GRIK3: variants seen among roughly 807,000 people sequenced by gnomAD.
GRIK3 encodes glutamate ionotropic receptor kainate type subunit 3, also known as glutamate receptor ionotropic, kainate 3.
GRIK3 carries 29 observed loss-of-function variants against 102.5 expected under a neutral mutation model. The observed-to-expected ratio is 0.28, with a 90% CI of 0.21 to 0.39. The LOEUF is 0.39. GRIK3 is among the 10% of genes least tolerant of loss of function. The pLI, the probability that GRIK3 is intolerant of heterozygous loss-of-function variation, is 1.00. For missense variants in GRIK3, 908 were observed against 1,252.4 expected, an observed-to-expected ratio of 0.73 and a Z score of 4.15; for synonymous variants, 511 against 504.9, an observed-to-expected ratio of 1.01 and a Z score of -0.16.
At chr1:36,925,103 T>C (rs1215313551) in intron 1 of GRIK3, among the ~76,000 whole-genome samples, 1 of 152,176 alleles carries the variant, frequency 6.6e-6, no homozygotes, top group Non-Finnish European at 1.5e-5. Context: ...GCAGGAAGAT[T>C]CCACAGCTAG....
chr1:36,819,412 G>T lies in GRIK3; in HGVS notation c.1873+324C>A, dbSNP rs1467006174. Among the ~76,000 whole-genome samples the T allele has an allele frequency of 6.6e-6, 1 of 152,210 alleles. No homozygotes were observed. Among genetic ancestry groups the T allele is most frequent in the Non-Finnish European group, 1.5e-5 (1 of 68,032 alleles). ...TGGATTGTGTGGTGATGAGGCCATGGGCAGGGTCAGCCGCAGCCAGCAGGG... is the reference window on the plus strand; with the variant it reads ...TGGATTGTGTGGTGATGAGGCCATGTGCAGGGTCAGCCGCAGCCAGCAGGG... On this transcript the variant is annotated intron_variant, in intron 12 of 15. Coordinates refer to ENST00000373091, the MANE Select transcript of GRIK3 (RefSeq NM_000831.4). This position sits in a 1 kb window ranked among gnomAD's most constrained non-coding sequence, Gnocchi z 4.1.
At chr1:36,995,320 T>G (rs916773953) in intron 1 of GRIK3, among the ~76,000 whole-genome samples, 49 of 152,192 alleles carry the variant, frequency 3.2e-4, no homozygotes, top group African/African-American at 1.2e-3. Context: ...GGAGCAGCCC[T>G]TGGGCACCTT....
intron 1 of GRIK3, among the ~76,000 whole-genome samples, chr1:36,978,529 G>A (rs1182825593): frequency 6.6e-6 from 1 of 152,188 alleles, no homozygotes; most frequent in Middle Eastern, 3.2e-3. Context: ...CTATTGCTCA[G>A]GAGTCTATGG....
chr1:36,945,162 C>T (rs114218458), intron 1 of GRIK3, among the ~76,000 whole-genome samples: 1,673 of 152,382 alleles, frequency 0.011, 30 homozygotes, highest in African/African-American at 0.038. Context: ...CATCAAAGGC[C>T]GGTGTCGAGC....
chr1:36,842,623 C>G lies in GRIK3; in HGVS notation c.1327-684G>C, dbSNP rs531645436. Among the ~76,000 whole-genome samples the G allele has an allele frequency of 1.6e-4, 24 of 152,016 alleles. No individual in the cohort carries two copies. In the South Asian group the frequency reaches 5.0e-3, roughly 31 times the overall value. ...ATTACTGGTAACAGGGACAGCTCAT[C>G]GGTAGGTGGCTGTGCCGGGCACTGG... On this transcript the variant is annotated intron_variant, in intron 9 of 15. Coordinates refer to ENST00000373091, the MANE Select transcript of GRIK3 (RefSeq NM_000831.4).
chr1:36,873,881 A>G (rs758085748), intron 3 of GRIK3, among the ~76,000 whole-genome samples: 2 of 152,294 alleles, frequency 1.3e-5, no homozygotes, highest in East Asian at 3.9e-4. Context: ...AACTTCAAAT[A>G]TGGAGGTTGT....
intron 1 of GRIK3, among the ~76,000 whole-genome samples, chr1:36,995,789 G>A (rs935616563): frequency 5.9e-5 from 9 of 152,136 alleles, no homozygotes; most frequent in African/African-American, 1.4e-4. Context: ...CCCTGCTCCC[G>A]TGTCCTCTGA....
intron 10 of GRIK3, among the ~76,000 whole-genome samples, chr1:36,839,447 G>A (rs1394649968): frequency 6.6e-6 from 1 of 152,084 alleles, no homozygotes; most frequent in African/African-American, 2.4e-5. Context: ...TGTGGAGCAG[G>A]TATTATTATT....
At position 37,006,931 on chromosome 1, in the gene GRIK3, G is replaced by GAACTCAGGTCTGC. The variant is rs1200787802; in HGVS notation, c.115+27050_115+27062dup. Among the ~76,000 whole-genome samples the GAACTCAGGTCTGC allele has an allele frequency of 2.0e-5, 3 of 152,230 alleles. No homozygotes were observed. The East Asian group carries it at 5.8e-4, about 29-fold the overall frequency. On this transcript the variant is annotated intron_variant, in intron 1 of 15. Coordinates refer to ENST00000373091, the MANE Select transcript of GRIK3 (RefSeq NM_000831.4). ...CAAGCTAGTGGTGCAACCAGGACTG[G>GAACTCAGGTCTGC]AACTCAGGTCTGCCTATCACCAGAC...
chr1:36,901,734 G>A (rs1231832181), intron 1 of GRIK3, among the ~76,000 whole-genome samples: 1 of 152,118 alleles, frequency 6.6e-6, no homozygotes, highest in Non-Finnish European at 1.5e-5. Flanking sequence ...AATAAGGCAA[G>A]AAAAGGAAAC....
chr1:36,925,819 G>A (rs1027599), intron 1 of GRIK3, among the ~76,000 whole-genome samples: 129,491 of 152,204 alleles, frequency 0.85, 55,603 homozygotes, highest in Admixed American at 0.91. Context: ...TAGTGGGAGC[G>A]TGGCTAAGGA....
chr1:37,002,036 GCT>G (rs1410390382), intron 1 of GRIK3, among the ~76,000 whole-genome samples: 1 of 152,148 alleles, frequency 6.6e-6, no homozygotes, highest in Non-Finnish European at 1.5e-5. Flanking sequence ...CCAGAAAAAT[GCT>G]CTCAGAGAGC....
intron 1 of GRIK3, among the ~76,000 whole-genome samples, chr1:37,018,237 C>G (rs770797891): frequency 3.1e-4 from 47 of 152,206 alleles, no homozygotes; most frequent in East Asian, 3.8e-4. Context: ...GTGGGCAAAA[C>G]AGGCCTGGTT....
Position 36,891,059 on chromosome 1 carries a change from C to T in GRIK3, c.153G>A (p.Gln51=), listed in dbSNP as rs750233559. The T allele has an allele frequency of 5.0e-6, 8 of 1,613,730 alleles. No individual in the cohort carries two copies. In the South Asian group the frequency reaches 7.7e-5, roughly 16 times the overall value. Residue 51 remains glutamine, a synonymous_variant, in exon 2 of 16, where the codon CAG becomes CAA. Coordinates refer to ENST00000373091, the MANE Select transcript of GRIK3 (RefSeq NM_000831.4). ...IFEYADGPNA[Q]VMNAEEHAFR... is the part of the protein sequence containing the mutation. ...AGGCATGCTCCTCGGCATTCATGACCTGGGCGTTGGGGCCGTCCGCATACT... is the reference window on the plus strand; with the variant it reads ...AGGCATGCTCCTCGGCATTCATGACTTGGGCGTTGGGGCCGTCCGCATACT...
At chr1:36,937,156 G>A (rs1033646164) in intron 1 of GRIK3, among the ~76,000 whole-genome samples, 2 of 152,192 alleles carry the variant, frequency 1.3e-5, no homozygotes, top group Admixed American at 6.5e-5. Flanking sequence ...GACCCTCAGC[G>A]AGCAGGAACA....
intron 1 of GRIK3, among the ~76,000 whole-genome samples, chr1:36,925,718 C>G (rs1641519556): frequency 6.6e-6 from 1 of 152,262 alleles, no homozygotes; most frequent in African/African-American, 2.4e-5. Context: ...CTCTGAGGTC[C>G]AGATTTCTCC....
chr1:36,907,211 T>C (rs1428137620), intron 1 of GRIK3, among the ~76,000 whole-genome samples: 4 of 152,100 alleles, frequency 2.6e-5, no homozygotes, highest in Non-Finnish European at 5.9e-5. Flanking sequence ...ATTAAGACTA[T>C]GACGGAACAA....
chr1:36,998,313 C>T (rs747961796), intron 1 of GRIK3, among the ~76,000 whole-genome samples: 5 of 152,164 alleles, frequency 3.3e-5, no homozygotes, highest in South Asian at 4.2e-4. Context: ...CTTCCCTGAC[C>T]GTGTCCTACT....
At chr1:36,840,656 G>GT (rs1421064656) in intron 10 of GRIK3, among the ~76,000 whole-genome samples, 5 of 152,024 alleles carry the variant, frequency 3.3e-5, no homozygotes, top group Non-Finnish European at 5.9e-5. Context: ...GAGCCCAGGA[G>GT]TTTGAGGCTA....
Sources: allele counts gnomAD v4.1 joint callset (sites outside exome capture counted in the v4.1 genomes callset), GRCh38; gene constraint gnomAD v4.1.1; non-coding constraint Gnocchi (gnomAD v3.1); transcripts MANE v1.5; gene names NCBI Gene and HGNC (gene_info 2026-07-23, HGNC 2026-07-21).